The following ILRUN variants were observed in gnomAD, a reference collection of about 807,000 sequenced individuals.
ILRUN encodes protein ILRUN.
ILRUN carries 3 observed loss-of-function variants against 33.8 expected under a neutral mutation model. The ratio of observed to expected loss-of-function variants is 0.09; its 90% CI spans 0.04 to 0.23. ILRUN has a LOEUF of 0.23. Among genes scored for constraint, ILRUN ranks in the 10% least tolerant of loss-of-function variants. ILRUN has a pLI of 1.00. For synonymous variants in ILRUN, 124 were observed against 138.9 expected, an observed-to-expected ratio of 0.89 and a Z score of 0.75; for missense variants, 210 against 375.1, an observed-to-expected ratio of 0.56 and a Z score of 3.64.
chr6:34,696,437 C>T lies in ILRUN; in HGVS notation c.158+9G>A, dbSNP rs571228442. The T allele has an allele frequency of 3.9e-6, 6 of 1,547,470 alleles. No homozygotes were observed. The African/African-American group carries it at 5.5e-5, about 14-fold the overall frequency. On this transcript the variant is annotated intron_variant, in intron 1 of 4. Coordinates refer to ENST00000374023, the MANE Select transcript of ILRUN (RefSeq NM_024294.4). ...CGCTGCCAGCGCTGGCACTGCGGGG[C>T]CGGCTCACCAGTTGGTCATGTCCAG...
At chr6:34,669,593 T>A (rs2127376664) in intron 1 of ILRUN, among the ~76,000 whole-genome samples, 1 of 152,346 alleles carries the variant, frequency 6.6e-6, no homozygotes, top group South Asian at 2.1e-4. Context: ...TTACTGCCTG[T>A]GTATTAAATA....
At chr6:34,638,892 A>C (rs1270698854) in intron 3 of ILRUN, among the ~76,000 whole-genome samples, 1 of 152,182 alleles carries the variant, frequency 6.6e-6, no homozygotes, top group Non-Finnish European at 1.5e-5. Context: ...AATAGGCAAA[A>C]GGGCAAGATA....
In ILRUN at chr6:34,646,052, C is replaced by T. The variant is rs1456735160; in HGVS notation, c.511+549G>A. Among the ~76,000 whole-genome samples, 4 of 152,208 alleles carry T rather than the reference C, an allele frequency of 2.6e-5. No homozygotes were observed. The highest frequency in any genetic ancestry group is 9.6e-5 in the African/African-American group (4 of 41,456). On this transcript the variant is annotated intron_variant, in intron 3 of 4. Transcript: ENST00000374023. This position sits in a 1 kb window ranked among gnomAD's most constrained non-coding sequence, Gnocchi z 4.9. ...GTAATGAGGCTACTGGATTTGGAAA[C>T]AGGGTAGTCCCTGATTAACTTTCAT...
chr6:34,637,049 A>T (rs1249362924), intron 3 of ILRUN, among the ~76,000 whole-genome samples: 1 of 152,190 alleles, frequency 6.6e-6, no homozygotes. Flanking sequence ...TTAATATGGC[A>T]GTGGCTCTAC....
At chr6:34,632,606 C>T (rs1762271064) in intron 3 of ILRUN, among the ~76,000 whole-genome samples, 1 of 144,718 alleles carries the variant, frequency 6.9e-6, no homozygotes, top group African/African-American at 2.6e-5. Context: ...CAGGCTGCCT[C>T]CTGGGTTCAT....
chr6:34,679,021 AAAACT>A (rs1376526955), intron 1 of ILRUN, among the ~76,000 whole-genome samples: 1 of 151,882 alleles, frequency 6.6e-6, no homozygotes, highest in East Asian at 1.9e-4. Context: ...TGAGGATCGA[AAAACT>A]ACTTGTCAGG....
At chr6:34,664,735 T>A (rs181450219) in intron 1 of ILRUN, among the ~76,000 whole-genome samples, 9 of 152,288 alleles carry the variant, frequency 5.9e-5, no homozygotes, top group Admixed American at 4.6e-4. Context: ...AAACAAAATG[T>A]GACTGAGAAA....
intron 4 of ILRUN, chr6:34,595,616 T>C (rs1761385035): frequency 9.6e-6 from 3 of 312,968 alleles, no homozygotes; most frequent in Non-Finnish European, 1.4e-5. Flanking sequence ...AAATTCCTAA[T>C]GAAAAAAGGA....
At chr6:34,655,351 A>T (rs542702368) in intron 1 of ILRUN, among the ~76,000 whole-genome samples, 42 of 152,306 alleles carry the variant, frequency 2.8e-4, no homozygotes, top group African/African-American at 8.9e-4. Flanking sequence ...TTTCCTCAAC[A>T]TACACACACA....
chr6:34,664,482 T>C (rs1430745045), intron 1 of ILRUN, among the ~76,000 whole-genome samples: 1 of 152,178 alleles, frequency 6.6e-6, no homozygotes, highest in Non-Finnish European at 1.5e-5. Flanking sequence ...AAAATGGTGC[T>C]GTTTTTTTGC....
chr6:34,616,593 A>C (rs1224980105), intron 3 of ILRUN: 1 of 1,571,104 alleles, frequency 6.4e-7, no homozygotes, highest in Non-Finnish European at 8.6e-7. Flanking sequence ...CTTAAGAAAA[A>C]GCGAAGGAAT....
chr6:34,659,365 G>C (rs535902386), intron 1 of ILRUN, among the ~76,000 whole-genome samples: 1 of 152,138 alleles, frequency 6.6e-6, no homozygotes, highest in Non-Finnish European at 1.5e-5. Flanking sequence ...ACTGACAGGC[G>C]AGGTTAATTT....
chr6:34,617,835 A>T (rs1299414514), intron 3 of ILRUN, among the ~76,000 whole-genome samples: 1 of 152,204 alleles, frequency 6.6e-6, no homozygotes, highest in Non-Finnish European at 1.5e-5. Flanking sequence ...GTATTAAGCT[A>T]CCTTAAATCT....
chr6:34,692,523 G>C (rs1763668319), intron 1 of ILRUN, among the ~76,000 whole-genome samples: 1 of 152,120 alleles, frequency 6.6e-6, no homozygotes, highest in Non-Finnish European at 1.5e-5. Flanking sequence ...AACACGTCTA[G>C]ACTTTAGATT....
At chr6:34,615,105 TTTAA>T (rs745545674) in intron 3 of ILRUN, among the ~76,000 whole-genome samples, 5 of 152,014 alleles carry the variant, frequency 3.3e-5, no homozygotes, top group Non-Finnish European at 7.4e-5. Context: ...AAGTCTGGAG[TTTAA>T]TTAATAGTAA....
At position 34,611,071 on chromosome 6, in the gene ILRUN, CTCCTT is replaced by C. The variant is rs1169355079; in HGVS notation, c.512-4172_512-4168del. ...CCTCCCCCTCCCCCTCTCCTTCCCT[CTCCTT>C]TCCTTTCTTTCTTTCTTTCTGATGT... On this transcript the variant is annotated intron_variant, in intron 3 of 4. Transcript: ENST00000374023. 2.8e-3 allele frequency among the ~76,000 whole-genome samples: 412 copies of C among 147,396 alleles called. 3 individuals are homozygous for C. Among genetic ancestry groups the C allele is most frequent in the African/African-American group, 9.2e-3 (365 of 39,840 alleles).
At chr6:34,655,772 A>G (rs1762758923) in intron 1 of ILRUN, among the ~76,000 whole-genome samples, 1 of 152,178 alleles carries the variant, frequency 6.6e-6, no homozygotes, top group South Asian at 2.1e-4. Context: ...TCCCTCAATA[A>G]AAGTTGTACG....
chr6:34,587,883 C>T lies in ILRUN; in HGVS notation c.*2682G>A. Reference sequence around the variant, plus strand: ...TCTGTCTCCCCAACTGGGTTCAGACCCTATCACCTAACCATGGTGTCTGCC... The same window carrying T: ...TCTGTCTCCCCAACTGGGTTCAGACTCTATCACCTAACCATGGTGTCTGCC... On this transcript the variant is annotated 3_prime_UTR_variant, in exon 5 of 5. Transcript: ENST00000374023. The T allele has an allele frequency of 2.6e-6, 1 of 390,518 alleles. No homozygotes were observed. The allele number at this position is 390,518 out of a possible 1,614,324, so 24.2% of individuals were successfully genotyped here. A position where few individuals can be genotyped will look rare whatever the true frequency, so the allele number is the denominator to read the frequency against.
chr6:34,613,331 A>C (rs1230293835), intron 3 of ILRUN, among the ~76,000 whole-genome samples: 1 of 152,246 alleles, frequency 6.6e-6, no homozygotes, highest in East Asian at 1.9e-4. Context: ...TCACATCCAT[A>C]ATCTCAACGA....
Sources: gnomAD v4.1 joint callset for allele counts (sites outside exome capture counted in the v4.1 genomes callset) on GRCh38, gnomAD v4.1.1 for gene constraint, Gnocchi (gnomAD v3.1) non-coding constraint, MANE v1.5 for transcripts, NCBI Gene and HGNC (gene_info 2026-07-23, HGNC 2026-07-21) for gene names.